The following OXSR1 variants were observed in gnomAD, a reference collection of about 807,000 sequenced individuals.
The protein encoded by OXSR1 is serine/threonine-protein kinase OSR1.
In OXSR1, 24 loss-of-function variants were observed where a neutral mutation model predicts 79.8. The ratio of observed to expected loss-of-function variants is 0.30; its 90% CI spans 0.22 to 0.42. The LOEUF (loss-of-function observed/expected upper bound fraction) is 0.42. OXSR1 is among the 10% of genes least tolerant of loss of function. OXSR1 has a pLI of 1.00. For synonymous variants in OXSR1, 226 were observed against 209.2 expected (o/e 1.08, Z -0.69); for missense variants, 430 against 618.4 (o/e 0.70, Z 3.23).
At chr3:38,211,969 A>T in intron 4 of OXSR1, among the ~76,000 whole-genome samples, 1 of 152,216 alleles carries the variant, frequency 6.6e-6, no homozygotes, top group Non-Finnish European at 1.5e-5. Flanking sequence ...TTTAGCTGGA[A>T]TGGGAATTCT....
rs139989507 is a variant in OXSR1, at chr3:38,192,401, G to A, written c.292+1562G>A. Among the ~76,000 whole-genome samples the A allele has an allele frequency of 3.2e-3, 481 of 152,228 alleles. 5 individuals are homozygous for A. Among genetic ancestry groups the A allele is most frequent in the East Asian group, 6.8e-3 (35 of 5,178 alleles). On this transcript the variant is annotated intron_variant, in intron 3 of 17. Transcript: ENST00000311806. Reference sequence around the variant, plus strand: ...TTTCCTCGGGAATGGTACTTAGAAAGCATAACTTGGATGCTTGGAGTGCTC... The same window carrying A: ...TTTCCTCGGGAATGGTACTTAGAAAACATAACTTGGATGCTTGGAGTGCTC...
chr3:38,187,923 G>A (rs531681486), intron 2 of OXSR1, among the ~76,000 whole-genome samples: 2 of 152,046 alleles, frequency 1.3e-5, no homozygotes, highest in Non-Finnish European at 2.9e-5. Flanking sequence ...TGAGGAAGCT[G>A]CTGGGTAATT....
chr3:38,228,432 C>G (rs969327429), intron 8 of OXSR1, among the ~76,000 whole-genome samples: 1 of 152,132 alleles, frequency 6.6e-6, no homozygotes, highest in Admixed American at 6.5e-5. Flanking sequence ...GCTTTTTAAT[C>G]TTTATAATAA....
chr3:38,213,058 C>T (rs776831440), intron 4 of OXSR1, among the ~76,000 whole-genome samples: 2 of 152,080 alleles, frequency 1.3e-5, no homozygotes, highest in Non-Finnish European at 2.9e-5. Context: ...GAAAAGTAGT[C>T]ACTCAAAGTG....
rs1019159318 is a variant in OXSR1 at position 38,253,648 on chromosome 3, G to A, written c.*757G>A. 6.6e-6 allele frequency: 1 copy of A among 152,594 alleles called. No individual in the cohort carries two copies. Among genetic ancestry groups the A allele is most frequent in the African/African-American group, 2.4e-5 (1 of 41,440 alleles). 9.5% of individuals were successfully genotyped at this position (152,594 alleles called of 1,614,324 possible). A position where few individuals can be genotyped will look rare whatever the true frequency, so the allele number is the denominator to read the frequency against. ...TACAGACAACATCGAGTAATGGCTT[G>A]TAAATGTGAATTTTGCCAGAGGTGG... On this transcript the variant is annotated 3_prime_UTR_variant, in exon 18 of 18. Coordinates refer to ENST00000311806, the MANE Select transcript of OXSR1 (RefSeq NM_005109.3).
intron 8 of OXSR1, among the ~76,000 whole-genome samples, chr3:38,227,257 C>T (rs1280464836): frequency 1.3e-5 from 2 of 152,272 alleles, no homozygotes; most frequent in East Asian, 3.9e-4. Flanking sequence ...TTAATTCTCA[C>T]AGTAATCCTT....
At chr3:38,193,248 A>T (rs1702015848) in intron 3 of OXSR1, 2 of 1,287,930 alleles carry the variant, frequency 1.6e-6, no homozygotes, top group South Asian at 2.5e-5. Context: ...TTTTCAGTGT[A>T]GCCAGAATCA....
At chr3:38,167,923 T>C (rs553532011) in intron 1 of OXSR1, among the ~76,000 whole-genome samples, 14 of 151,136 alleles carry the variant, frequency 9.3e-5, no homozygotes, top group Non-Finnish European at 1.8e-4. Context: ...AGTGTATCCA[T>C]CTTTCTAGGG....
At chr3:38,239,514 T>G (rs1702985005) in intron 11 of OXSR1, among the ~76,000 whole-genome samples, 1 of 152,192 alleles carries the variant, frequency 6.6e-6, no homozygotes, top group Non-Finnish European at 1.5e-5. Flanking sequence ...AAGACCTTTT[T>G]GAGAACACTA....
chr3:38,203,473 C>T (rs1486741232), intron 4 of OXSR1, among the ~76,000 whole-genome samples: 6 of 152,084 alleles, frequency 3.9e-5, no homozygotes, highest in Non-Finnish European at 7.4e-5. Flanking sequence ...GGAGAACACC[C>T]GCTAAGCCCC....
chr3:38,182,083 G>A (rs1009735836), intron 1 of OXSR1, among the ~76,000 whole-genome samples: 18 of 152,160 alleles, frequency 1.2e-4, no homozygotes, highest in African/African-American at 4.3e-4. Flanking sequence ...TAAGTTTAGT[G>A]TATAGCTCTT....
At chr3:38,205,376 G>A (rs1251137732) in intron 4 of OXSR1, among the ~76,000 whole-genome samples, 1 of 152,210 alleles carries the variant, frequency 6.6e-6, no homozygotes, top group Non-Finnish European at 1.5e-5. Flanking sequence ...GGATCTTTCT[G>A]TGGGTTTAGA....
At chr3:38,193,306 C>T (rs1349310590) in intron 3 of OXSR1, 10 of 1,289,540 alleles carry the variant, frequency 7.8e-6, no homozygotes, top group Non-Finnish European at 1.0e-5. Context: ...AACTGGATTG[C>T]TTTGTTAAAG....
intron 3 of OXSR1, among the ~76,000 whole-genome samples, chr3:38,196,159 C>T (rs761163861): frequency 6.6e-6 from 1 of 152,124 alleles, no homozygotes; most frequent in Non-Finnish European, 1.5e-5. Context: ...ACAAGTTGTG[C>T]GTGAGGACAA....
intron 3 of OXSR1, among the ~76,000 whole-genome samples, chr3:38,193,073 A>C (rs1370622773): frequency 1.3e-5 from 2 of 152,172 alleles, no homozygotes; most frequent in Non-Finnish European, 2.9e-5. Context: ...GCTCTTTGAA[A>C]CTTTTTACTT....
chr3:38,208,985 T>TGTGTGTGC (rs1019752484), intron 4 of OXSR1, among the ~76,000 whole-genome samples: 2 of 128,132 alleles, frequency 1.6e-5, no homozygotes, highest in Non-Finnish European at 3.2e-5. Context: ...TGTGTGTGTG[T>TGTGTGTGC]GCGCGCGCGC....
At chr3:38,194,096 T>C (rs576122838) in intron 3 of OXSR1, among the ~76,000 whole-genome samples, 4 of 152,312 alleles carry the variant, frequency 2.6e-5, no homozygotes, top group East Asian at 1.9e-4. Context: ...CAAATACTTA[T>C]TGATCTCCAG....
chr3:38,236,352 T>A (rs1194157937), intron 10 of OXSR1, among the ~76,000 whole-genome samples: 2 of 151,922 alleles, frequency 1.3e-5, no homozygotes, highest in African/African-American at 4.8e-5. Context: ...CTAAAATGAG[T>A]TGAAAGTGGT....
At chr3:38,185,946 C>CAAAAA (rs71085304) in intron 2 of OXSR1, among the ~76,000 whole-genome samples, 15 of 32,118 alleles carry the variant, frequency 4.7e-4, no homozygotes, top group East Asian at 1.3e-3. Context: ...GGCCCTGTCT[C>CAAAAA]AAAAAAAAAA....
Sources: gnomAD v4.1 joint callset for allele counts (sites outside exome capture counted in the v4.1 genomes callset) on GRCh38, gnomAD v4.1.1 for gene constraint, MANE v1.5 for transcripts, NCBI Gene and HGNC (gene_info 2026-07-23, HGNC 2026-07-21) for gene names.